The following TESC variants were observed in gnomAD, a reference collection of about 807,000 sequenced individuals.
TESC encodes calcineurin B homologous protein 3.
TESC carries 19 observed loss-of-function variants against 31.0 expected under a neutral mutation model. The observed-to-expected ratio is 0.61, with a 90% CI of 0.43 to 0.90. TESC has a LOEUF of 0.90. Ranked by LOEUF, TESC falls within the 40% of genes least tolerant of loss-of-function variation. TESC has a pLI of 0.00. For synonymous variants in TESC, 109 were observed against 114.8 expected, an observed-to-expected ratio of 0.95 and a Z score of 0.32; for missense variants, 248 against 303.8, an observed-to-expected ratio of 0.82 and a Z score of 1.36.
intron 3 of TESC, among the ~76,000 whole-genome samples, chr12:117,055,573 C>T (rs960608832): frequency 9.2e-5 from 14 of 152,216 alleles, no homozygotes; most frequent in East Asian, 7.7e-4. Context: ...TCACTTCTAA[C>T]GAAGAGACAC....
At chr12:117,044,544 C>T (rs1000870673) in intron 6 of TESC, among the ~76,000 whole-genome samples, 51 of 152,282 alleles carry the variant, frequency 3.3e-4, no homozygotes, top group African/African-American at 7.5e-4. Flanking sequence ...CGGCTGAATG[C>T]CCAGTGAAGC....
At chr12:117,054,589 C>G (rs1954694773) in intron 3 of TESC, among the ~76,000 whole-genome samples, 1 of 152,188 alleles carries the variant, frequency 6.6e-6, no homozygotes, top group Non-Finnish European at 1.5e-5. Flanking sequence ...CCATGGGCCA[C>G]AGAGGAAGGC....
chr12:117,083,792 T>C (rs775847513), intron 1 of TESC, among the ~76,000 whole-genome samples: 28 of 152,144 alleles, frequency 1.8e-4, no homozygotes, highest in Non-Finnish European at 3.4e-4. Context: ...GGGTGATAAG[T>C]TGTTCTACAA....
At chr12:117,093,263 C>T (rs1458119716) in intron 1 of TESC, among the ~76,000 whole-genome samples, 3 of 152,230 alleles carry the variant, frequency 2.0e-5, no homozygotes, top group Non-Finnish European at 4.4e-5. Flanking sequence ...CCGTCTGAGG[C>T]CACTTAAAGA....
At chr12:117,092,162 G>C (rs1400008149) in intron 1 of TESC, among the ~76,000 whole-genome samples, 1 of 152,222 alleles carries the variant, frequency 6.6e-6, no homozygotes, top group Admixed American at 6.5e-5. Context: ...AGAAAGAGCA[G>C]CTGTCACCTC....
chr12:117,049,235 G>T (rs957943383), intron 3 of TESC, 77 bp from the exon 4 acceptor site: 5 of 1,593,444 alleles, frequency 3.1e-6, no homozygotes, highest in African/African-American at 1.3e-5. Flanking sequence ...TAGCTCCCGA[G>T]AACTCCGCTC....
At chr12:117,096,678 C>T (rs1280641834) in intron 1 of TESC, among the ~76,000 whole-genome samples, 1 of 152,072 alleles carries the variant, frequency 6.6e-6, no homozygotes, top group African/African-American at 2.4e-5. Flanking sequence ...TATGACTATG[C>T]CCATTTTATA....
chr12:117,046,666 C>A lies in TESC; in HGVS notation c.412G>T (p.Val138Leu). Residue 138 changes from valine (V) to leucine (L), a missense_variant and splice_region_variant, in exon 6 of 8, where the codon GTG (valine) becomes TTG (leucine). Transcript: ENST00000335209. ...TTTCCCGACAGCAGCTCCTCGACCACCTGCCAGGTGGGGCGGAAACAAACG... is the reference window on the plus strand; with the variant it reads ...TTTCCCGACAGCAGCTCCTCGACCAACTGCCAGGTGGGGCGGAAACAAACG... ...GRITLEEYRN[V>L]VEELLSGNPH... 1 of 1,552,180 alleles carries A rather than the reference C, an allele frequency of 6.4e-7. No homozygotes were observed. Among genetic ancestry groups the A allele is most frequent in the Non-Finnish European group, 8.7e-7 (1 of 1,147,204 alleles).
chr12:117,085,257 G>A (rs550657729), intron 1 of TESC, among the ~76,000 whole-genome samples: 1 of 152,278 alleles, frequency 6.6e-6, no homozygotes, highest in African/African-American at 2.4e-5. Context: ...GGGTGGTGGG[G>A]GCGTGAAGGC....
intron 1 of TESC, among the ~76,000 whole-genome samples, chr12:117,078,309 T>C (rs1955100126): frequency 1.3e-5 from 2 of 151,942 alleles, no homozygotes; most frequent in African/African-American, 4.8e-5. Flanking sequence ...CTACTAAAAA[T>C]ACAAAGATGA....
chr12:117,068,483 C>A (rs537859435), intron 2 of TESC, among the ~76,000 whole-genome samples: 16 of 152,142 alleles, frequency 1.1e-4, no homozygotes, highest in Non-Finnish European at 2.1e-4. Flanking sequence ...GAGCCAAGAT[C>A]GCGCCACAGC....
intron 1 of TESC, among the ~76,000 whole-genome samples, chr12:117,091,053 C>T (rs1182707397): frequency 1.3e-5 from 2 of 152,200 alleles, no homozygotes; most frequent in Non-Finnish European, 2.9e-5. Context: ...GACAGAGTGC[C>T]GGTCTGCAAA....
intron 1 of TESC, among the ~76,000 whole-genome samples, chr12:117,075,923 GTA>G (rs1214809145): frequency 0.045 from 3,094 of 68,606 alleles, 175 homozygotes; most frequent in African/African-American, 0.075. Flanking sequence ...ATGTGTGTGT[GTA>G]TATATATATA....
chr12:117,084,971 T>C (rs541257919), intron 1 of TESC, among the ~76,000 whole-genome samples: 9 of 152,328 alleles, frequency 5.9e-5, no homozygotes, highest in Middle Eastern at 3.4e-3. Flanking sequence ...GGAAAGCAGA[T>C]GCAAAAAGCG....
intron 7 of TESC, among the ~76,000 whole-genome samples, chr12:117,041,339 CT>C (rs148886866): frequency 4.5e-4 from 66 of 146,558 alleles, no homozygotes; most frequent in Admixed American, 5.5e-4. Context: ...ACAACAGGGC[CT>C]TTTTTTTTTT....
chr12:117,082,349 C>T (rs1335227810), intron 1 of TESC, among the ~76,000 whole-genome samples: 2 of 151,886 alleles, frequency 1.3e-5, no homozygotes, highest in East Asian at 1.9e-4. Context: ...ACTAAAAATA[C>T]AAAAATTAGC....
intron 1 of TESC, among the ~76,000 whole-genome samples, chr12:117,094,719 A>C (rs1396935516): frequency 6.6e-6 from 1 of 152,120 alleles, no homozygotes; most frequent in Non-Finnish European, 1.5e-5. Flanking sequence ...TCGTTTCATA[A>C]AGAGACAGGG....
chr12:117,082,694 G>C (rs1955165315), intron 1 of TESC, among the ~76,000 whole-genome samples: 1 of 152,092 alleles, frequency 6.6e-6, no homozygotes, highest in Non-Finnish European at 1.5e-5. Flanking sequence ...ATTTACACGT[G>C]AAAGTTCATA....
chr12:117,041,428 AT>A (rs1383530918), intron 7 of TESC, among the ~76,000 whole-genome samples: 1 of 151,770 alleles, frequency 6.6e-6, no homozygotes, highest in Non-Finnish European at 1.5e-5. Context: ...TACCTCCTGG[AT>A]TCAAGCGATC....
Sources: gnomAD v4.1 joint callset for allele counts (sites outside exome capture counted in the v4.1 genomes callset) on GRCh38, gnomAD v4.1.1 for gene constraint, MANE v1.5 for transcripts, NCBI Gene and HGNC (gene_info 2026-07-23, HGNC 2026-07-21) for gene names.